Variants in MAGI1 observed in about 807,000 individuals in gnomAD.
MAGI1 encodes membrane-associated guanylate kinase, WW and PDZ domain-containing protein 1.
MAGI1 carries 58 observed loss-of-function variants against 139.9 expected under a neutral mutation model. The ratio of observed to expected loss-of-function variants is 0.41; its 90% CI spans 0.34 to 0.52. The LOEUF is 0.52. Among genes scored for constraint, MAGI1 ranks in the 20% least tolerant of loss-of-function variants. MAGI1 has a pLI of 0.12. For missense variants in MAGI1, 1,874 were observed against 1,901.6 expected (o/e 0.99, Z 0.27); for synonymous variants, 812 against 737.9 (o/e 1.10, Z -1.63).
At chr3:65,812,874 T>G (rs2041366094) in intron 1 of MAGI1, among the ~76,000 whole-genome samples, 1 of 151,722 alleles carries the variant, frequency 6.6e-6, no homozygotes, top group South Asian at 2.1e-4. Flanking sequence ...CACACCCAGC[T>G]AATTTTTGTA....
intron 1 of MAGI1, among the ~76,000 whole-genome samples, chr3:65,856,430 G>A (rs2059380793): frequency 6.6e-6 from 1 of 151,262 alleles, no homozygotes; most frequent in African/African-American, 2.4e-5. Context: ...GACACTCAAT[G>A]TCCTACTCAA....
chr3:66,015,118 G>A (rs1255792875), intron 1 of MAGI1, among the ~76,000 whole-genome samples: 2 of 147,730 alleles, frequency 1.4e-5, no homozygotes, highest in Non-Finnish European at 3.0e-5. Context: ...TGAGGCAGGA[G>A]GATTGCTTGA....
chr3:65,816,312 T>G (rs1473530), intron 1 of MAGI1, among the ~76,000 whole-genome samples: 93,689 of 151,926 alleles, frequency 0.62, 29,530 homozygotes, highest in East Asian at 0.95. Flanking sequence ...TGATGAAAAA[T>G]TTCCATAATC....
chr3:65,835,874 C>T (rs1269910003), intron 1 of MAGI1, among the ~76,000 whole-genome samples: 1 of 152,140 alleles, frequency 6.6e-6, no homozygotes, highest in Admixed American at 6.6e-5. Flanking sequence ...GTTCAATCGC[C>T]CTGTTTCTCC....
intron 1 of MAGI1, among the ~76,000 whole-genome samples, chr3:65,959,005 A>C (rs1011923135): frequency 1.2e-4 from 18 of 152,004 alleles, no homozygotes; most frequent in Non-Finnish European, 2.1e-4. Context: ...AAAACAACAA[A>C]AAAAACCACA....
chr3:65,844,942 T>G (rs572994857), intron 1 of MAGI1, among the ~76,000 whole-genome samples: 2 of 152,276 alleles, frequency 1.3e-5, no homozygotes, highest in South Asian at 4.1e-4. Flanking sequence ...ATCTGAGTAT[T>G]TCCTCTGCCC....
At chr3:65,410,797 C>A (rs757211122) in intron 12 of MAGI1, among the ~76,000 whole-genome samples, 1 of 150,160 alleles carries the variant, frequency 6.7e-6, no homozygotes. Context: ...AAAAATACAA[C>A]GAGATCAGTC....
intron 2 of MAGI1, among the ~76,000 whole-genome samples, chr3:65,609,493 TG>T (rs1358114889): frequency 6.6e-6 from 1 of 151,826 alleles, no homozygotes; most frequent in Admixed American, 6.6e-5. Context: ...TGGTCAGGCT[TG>T]TCTTGAACTC....
intron 1 of MAGI1, among the ~76,000 whole-genome samples, chr3:65,999,571 T>C (rs1355031992): frequency 6.6e-6 from 1 of 152,104 alleles, no homozygotes; most frequent in Non-Finnish European, 1.5e-5. Context: ...ACAAGTCTAT[T>C]TTAACATATA....
At chr3:65,810,553 G>A (rs2041161503) in intron 1 of MAGI1, among the ~76,000 whole-genome samples, 1 of 152,214 alleles carries the variant, frequency 6.6e-6, no homozygotes, top group South Asian at 2.1e-4. Context: ...TGGCTCCCTG[G>A]AGAGAATCGA....
At position 65,356,993 on chromosome 3, in the gene MAGI1, T is replaced by C; in HGVS notation, c.3774A>G (p.Glu1258=). ...TCGGATCCCTTGCGTGTGCCCGCTT[T>C]TCCCCATGTGGTGATGATTTGTGAA... ...PDLHKSSPHG[E]KRAHARDPKG... is the part of the protein sequence containing the mutation. The change falls in exon 23 of 23, where the codon GAA becomes GAG. Residue 1258 remains glutamate, a synonymous_variant. Coordinates refer to ENST00000402939, the MANE Select transcript of MAGI1 (RefSeq NM_001033057.2). 1 of 1,614,212 alleles carries C rather than the reference T, an allele frequency of 6.2e-7. No homozygotes were observed. The highest frequency in any genetic ancestry group is 8.5e-7 in the Non-Finnish European group (1 of 1,180,030).
chr3:65,444,592 C>G (rs972728191), intron 7 of MAGI1, among the ~76,000 whole-genome samples: 1 of 152,084 alleles, frequency 6.6e-6, no homozygotes. Context: ...TGTTGAATGC[C>G]TACTTTTTGC....
intron 5 of MAGI1, among the ~76,000 whole-genome samples, chr3:65,460,232 G>C (rs1949680595): frequency 6.6e-6 from 1 of 152,180 alleles, no homozygotes. Context: ...TGAAGCACTA[G>C]AACAATTCCC....
chr3:65,365,049 C>T (rs1249138383), intron 18 of MAGI1, 103 bp from the exon 19 acceptor site: 1 of 891,204 alleles, frequency 1.1e-6, no homozygotes, highest in Non-Finnish European at 1.9e-6. Context: ...AGTGTGACTT[C>T]TCTGTCCCCA....
rs145566190 is a variant in MAGI1, at chr3:65,784,871, C to T, written c.314-162783G>A. On this transcript the variant is annotated intron_variant, in intron 1 of 22. Coordinates refer to ENST00000402939, the MANE Select transcript of MAGI1 (RefSeq NM_001033057.2). ...GTAGCACATCACAAAAGACCACATA[C>T]TTTACAATGCCCTTTAGATGAAATG... is the stretch of plus-strand genomic sequence containing the variant. 1.7e-3 allele frequency among the ~76,000 whole-genome samples: 253 copies of T among 152,282 alleles called. 3 individuals are homozygous for T. Among genetic ancestry groups the T allele is most frequent in the African/African-American group, 5.9e-3 (244 of 41,564 alleles).
chr3:65,622,558 T>C (rs1441295170), intron 1 of MAGI1, among the ~76,000 whole-genome samples: 1 of 152,150 alleles, frequency 6.6e-6, no homozygotes, highest in African/African-American at 2.4e-5. Flanking sequence ...ACAGCTTTTT[T>C]TATTTTTTTA....
chr3:65,523,066 G>A (rs2078232486), intron 2 of MAGI1, among the ~76,000 whole-genome samples: 1 of 152,074 alleles, frequency 6.6e-6, no homozygotes, highest in Admixed American at 6.6e-5. Context: ...CACCCTTACT[G>A]ATCTCCTCAA....
Position 65,375,777 on chromosome 3 carries a change from TTTCCCGC to T in MAGI1, c.3157_3163del (p.Ala1053ThrfsTer19). On this transcript the variant is annotated frameshift_variant, in exon 18 of 23. Coordinates refer to ENST00000402939, the MANE Select transcript of MAGI1 (RefSeq NM_001033057.2). LOFTEE classifies it high-confidence loss of function. ...AGGAATGATGCGGAGGGTAACTGTG[TTTCCCGC>T]TTCCTTGATTAGGTTCACAATGTCT... is the stretch of plus-strand genomic sequence containing the variant. 1.9e-6 allele frequency: 3 copies of T among 1,613,976 alleles called. No individual in the cohort carries two copies. Among genetic ancestry groups the T allele is most frequent in the Non-Finnish European group, 2.5e-6 (3 of 1,179,890 alleles).
chr3:65,787,571 G>T (rs2039483216), intron 1 of MAGI1, among the ~76,000 whole-genome samples: 1 of 149,528 alleles, frequency 6.7e-6, no homozygotes, highest in Admixed American at 6.8e-5. Flanking sequence ...TATACTAGAT[G>T]CTGGAAATAT....
Sources: allele counts gnomAD v4.1 joint callset (sites outside exome capture counted in the v4.1 genomes callset), GRCh38; gene constraint gnomAD v4.1.1; transcripts MANE v1.5; gene names NCBI Gene and HGNC (gene_info 2026-07-23, HGNC 2026-07-21).